Variants in RAB15 observed in about 807,000 individuals in gnomAD.
The protein encoded by RAB15 is RAB15, member RAS oncogene family.
A neutral mutation model predicts 31.8 loss-of-function variants in RAB15; 13 were observed. The observed-to-expected ratio is 0.41, with a 90% confidence interval of 0.27 to 0.65. The LOEUF (loss-of-function observed/expected upper bound fraction) is 0.65. Among genes scored for constraint, RAB15 ranks in the 30% least tolerant of loss-of-function variants. RAB15 has a pLI of 0.32. For missense variants in RAB15, 220 were observed against 277.3 expected, an observed-to-expected ratio of 0.79 and a Z score of 1.47; for synonymous variants, 100 against 105.6, an observed-to-expected ratio of 0.95 and a Z score of 0.33.
In RAB15 at chr14:64,953,818, G is replaced by A. The variant is rs1886399030; in HGVS notation, c.125-1247C>T. ...TGTGTACTCCCTGGAGCAAGGTCAG[G>A]AGTGGGCATGATCAGCCACAGTTTT... On this transcript the variant is annotated intron_variant, in intron 1 of 6. Coordinates refer to ENST00000533601, the MANE Select transcript of RAB15 (RefSeq NM_001308154.2). The surrounding 1 kb of genome is among the most constrained non-coding windows in gnomAD (Gnocchi z 4.6). 1 of 985,270 alleles carries A rather than the reference G, an allele frequency of 1.0e-6. No individual in the cohort carries two copies. The highest frequency in any genetic ancestry group is 1.1e-4 in the East Asian group (1 of 8,830). 61.0% of individuals were successfully genotyped at this position (985,270 alleles called of 1,614,324 possible).
chr14:64,956,120 T>C (rs1423759510), intron 1 of RAB15, among the ~76,000 whole-genome samples: 1 of 152,098 alleles, frequency 6.6e-6, no homozygotes, highest in Non-Finnish European at 1.5e-5. Flanking sequence ...ATGCAAATTC[T>C]GGCCGCACGC....
chr14:64,961,914 T>TAA (rs528884423), intron 1 of RAB15, among the ~76,000 whole-genome samples: 6,013 of 131,494 alleles, frequency 0.046, 154 homozygotes, highest in South Asian at 0.091. Context: ...GACTCTGTCT[T>TAA]AAAAAAAAAA....
chr14:64,955,322 G>C lies in RAB15; in HGVS notation c.125-2751C>G, dbSNP rs771594070. On this transcript the variant is annotated intron_variant, in intron 1 of 6. Coordinates refer to ENST00000533601, the MANE Select transcript of RAB15 (RefSeq NM_001308154.2). The surrounding 1 kb of genome is among the most constrained non-coding windows in gnomAD (Gnocchi z 4.4). ...GAGGAATCTATTGCTTCTGCGCTCTGTTCCCACACAACCTGGGCCTTCAGC... is the reference window on the plus strand; with the variant it reads ...GAGGAATCTATTGCTTCTGCGCTCTCTTCCCACACAACCTGGGCCTTCAGC... 6.6e-6 allele frequency among the ~76,000 whole-genome samples: 1 copy of C among 152,102 alleles called. No homozygotes were observed. The highest frequency in any genetic ancestry group is 1.5e-5 in the Non-Finnish European group (1 of 68,030).
rs762691006 is a variant in RAB15 at position 64,960,235 on chromosome 14, A to T, written c.125-7664T>A. Among the ~76,000 whole-genome samples the T allele has an allele frequency of 9.8e-4, 149 of 152,270 alleles. 1 individual carries two copies. Among genetic ancestry groups the T allele is most frequent in the Non-Finnish European group, 1.8e-3 (120 of 68,006 alleles). On this transcript the variant is annotated intron_variant, in intron 1 of 6. Transcript: ENST00000533601. ...GGATGCAGCAGGCGAGACACCCAGCACTCACGTGACTCCTAAGCTAGCTCG... is the reference window on the plus strand; with the variant it reads ...GGATGCAGCAGGCGAGACACCCAGCTCTCACGTGACTCCTAAGCTAGCTCG...
Position 64,951,252 on chromosome 14 carries a change from C to A in RAB15, c.247-101G>T. ...ACTTAAAGGTTGGGTCCCACTCTCC[C>A]ATTCTCCCTGCTCAGCATCCAGAAA... is the stretch of plus-strand genomic sequence containing the variant. On this transcript the variant is annotated intron_variant, in intron 3 of 6. Transcript: ENST00000533601. This position sits in a 1 kb window ranked among gnomAD's most constrained non-coding sequence, Gnocchi z 7.2. The A allele has an allele frequency of 1.1e-6, 1 of 928,344 alleles. No homozygotes were observed. Among genetic ancestry groups the A allele is most frequent in the Non-Finnish European group, 1.7e-6 (1 of 597,414 alleles). 57.5% of individuals were successfully genotyped at this position (928,344 alleles called of 1,614,324 possible). A position where few individuals can be genotyped will look rare whatever the true frequency, so the allele number is the denominator to read the frequency against.
Position 64,954,420 on chromosome 14 carries a change from T to C in RAB15, c.125-1849A>G. ...CCTTCTTCCAAGAAGAACGAGAAAT[T>C]TTCTCCAATTTGTAATATACCTGGT... On this transcript the variant is annotated intron_variant, in intron 1 of 6. Transcript: ENST00000533601. This position sits in a 1 kb window ranked among gnomAD's most constrained non-coding sequence, Gnocchi z 4.3. The C allele has an allele frequency of 8.1e-6, 8 of 985,412 alleles. No individual in the cohort carries two copies. Among genetic ancestry groups the C allele is most frequent in the Non-Finnish European group, 8.4e-6 (7 of 829,934 alleles). 61.0% of individuals were successfully genotyped at this position (985,412 alleles called of 1,614,324 possible).
intron 1 of RAB15, among the ~76,000 whole-genome samples, chr14:64,961,923 A>AC (rs1485417967): frequency 6.6e-6 from 1 of 151,562 alleles, no homozygotes; most frequent in African/African-American, 2.4e-5. Flanking sequence ...TTAAAAAAAA[A>AC]AAAAAAACAG....
chr14:64,958,495 A>G lies in RAB15; in HGVS notation c.125-5924T>C, dbSNP rs898862010. On this transcript the variant is annotated intron_variant, in intron 1 of 6. Transcript: ENST00000533601. The surrounding 1 kb of genome is among the most constrained non-coding windows in gnomAD (Gnocchi z 4.4). Reference sequence around the variant, plus strand: ...CAGCCTCCCAAACTCTGAGCAATACATTTCTCTTGCTTTAAATTACTCAGC... The same window carrying G: ...CAGCCTCCCAAACTCTGAGCAATACGTTTCTCTTGCTTTAAATTACTCAGC... Among the ~76,000 whole-genome samples, 7 of 151,986 alleles carry G rather than the reference A, an allele frequency of 4.6e-5. No individual in the cohort carries two copies. Among genetic ancestry groups the G allele is most frequent in the African/African-American group, 1.5e-4 (6 of 41,368 alleles).
At chr14:64,965,321 T>G (rs1219236375) in intron 1 of RAB15, among the ~76,000 whole-genome samples, 1 of 151,808 alleles carries the variant, frequency 6.6e-6, no homozygotes, top group East Asian at 1.9e-4. Flanking sequence ...TAGCCAGGTG[T>G]GGTGGTGCAT....
At chr14:64,956,935 AT>A (rs573399507) in intron 1 of RAB15, among the ~76,000 whole-genome samples, 13,797 of 143,354 alleles carry the variant, frequency 0.096, 716 homozygotes, top group Non-Finnish European at 0.13. Context: ...CCTAGCTTCA[AT>A]TTTTTTTTTT....
intron 1 of RAB15, among the ~76,000 whole-genome samples, chr14:64,960,651 C>T (rs1886807297): frequency 6.6e-6 from 1 of 152,096 alleles, no homozygotes; most frequent in African/African-American, 2.4e-5. Flanking sequence ...CAGGGTCTGG[C>T]ACGCAGAACT....
intron 1 of RAB15, among the ~76,000 whole-genome samples, chr14:64,961,544 G>T (rs922513694): frequency 2.6e-5 from 4 of 152,156 alleles, no homozygotes; most frequent in African/African-American, 7.2e-5. Flanking sequence ...CTGCAGCCAG[G>T]GCACTCTGGA....
intron 1 of RAB15, among the ~76,000 whole-genome samples, chr14:64,961,413 G>A (rs1212849331): frequency 3.3e-5 from 5 of 152,216 alleles, no homozygotes; most frequent in African/African-American, 1.2e-4. Context: ...GGTATATGCA[G>A]AGATGAGGGG....
At chr14:64,967,979 C>T (rs1292216029) in intron 1 of RAB15, among the ~76,000 whole-genome samples, 1 of 152,146 alleles carries the variant, frequency 6.6e-6, no homozygotes, top group African/African-American at 2.4e-5. Context: ...CTCATTAGTA[C>T]CCTACTCAAA....
In RAB15 at chr14:64,958,406, TTTGTCACAGAGCA is replaced by T. The variant is rs1886691109; in HGVS notation, c.125-5848_125-5836del. The stretch of plus-strand genomic sequence containing the variant: ...GAGGATGGAGCTAGAAGGTGCCACC[TTTGTCACAGAGCA>T]TCAGCCTTCACCAGACACTGAATCT... On this transcript the variant is annotated intron_variant, in intron 1 of 6. Coordinates refer to ENST00000533601, the MANE Select transcript of RAB15 (RefSeq NM_001308154.2). The surrounding 1 kb of genome is among the most constrained non-coding windows in gnomAD (Gnocchi z 4.4). Among the ~76,000 whole-genome samples, 2 of 152,274 alleles carry T rather than the reference TTTGTCACAGAGCA, an allele frequency of 1.3e-5. No homozygotes were observed. The highest frequency in any genetic ancestry group is 4.8e-5 in the African/African-American group (2 of 41,562).
At position 64,948,424 on chromosome 14, in the gene RAB15, A is replaced by T; in HGVS notation, c.569T>A (p.Leu190Gln). 1.9e-6 allele frequency: 3 copies of T among 1,613,712 alleles called. No homozygotes were observed. Among genetic ancestry groups the T allele is most frequent in the Non-Finnish European group, 2.5e-6 (3 of 1,179,876 alleles). ...LRMRASNELALAELEEEEGKP... is the reference protein window; with the variant it reads ...LRMRASNELAQAELEEEEGKP... ...GCCCTCCTCCTCCTCCAGCTCTGCCAGTGCCAACTCATTGCTGGCACGCAT... is the reference window on the plus strand; with the variant it reads ...GCCCTCCTCCTCCTCCAGCTCTGCCTGTGCCAACTCATTGCTGGCACGCAT... Residue 190 changes from leucine (L) to glutamine (Q), a missense_variant, in exon 7 of 7, where the codon CTG becomes CAG. Physicochemically the swap from Leu to Gln is moderately radical, Grantham distance 113. Transcript: ENST00000533601. This position sits in a 1 kb window ranked among gnomAD's most constrained non-coding sequence, Gnocchi z 7.0.
At position 64,950,364 on chromosome 14, in the gene RAB15, C is replaced by T. The variant is rs770838628; in HGVS notation, c.375G>A (p.Glu125=). Residue 125 remains glutamate, a synonymous_variant, in exon 5 of 7, where the codon GAG becomes GAA. Transcript: ENST00000533601. This position sits in a 1 kb window ranked among gnomAD's most constrained non-coding sequence, Gnocchi z 5.6. ...CTCTTCCCACCTGCCGTTTCTGCTC[C>T]TCATCAGCCTTATTCCCAATAAGGA... ...QKILIGNKAD[E]EQKRQVGREQ... 3.7e-6 allele frequency: 6 copies of T among 1,614,066 alleles called. No individual in the cohort carries two copies. The Admixed American group carries it at 8.3e-5, about 22-fold the overall frequency.
In RAB15 at chr14:64,955,865, C is replaced by T. The variant is rs542098707; in HGVS notation, c.125-3294G>A. On this transcript the variant is annotated intron_variant, in intron 1 of 6. Transcript: ENST00000533601. The surrounding 1 kb of genome is among the most constrained non-coding windows in gnomAD (Gnocchi z 4.4). ...AGATATTCTCCATCTATCTCTGCCT[C>T]CAGTGGTTTCACATTCCGGCTCCTC... is the stretch of plus-strand genomic sequence containing the variant. Among the ~76,000 whole-genome samples, 11 of 152,312 alleles carry T rather than the reference C, an allele frequency of 7.2e-5. No individual in the cohort carries two copies. The highest frequency in any genetic ancestry group is 2.6e-4 in the African/African-American group (11 of 41,568).
rs980466290 is a variant in RAB15 at position 64,958,483 on chromosome 14, T to C, written c.125-5912A>G. On this transcript the variant is annotated intron_variant, in intron 1 of 6. Transcript: ENST00000533601. This position sits in a 1 kb window ranked among gnomAD's most constrained non-coding sequence, Gnocchi z 4.4. Reference sequence around the variant, plus strand: ...TCTTGGACTTCCCAGCCTCCCAAACTCTGAGCAATACATTTCTCTTGCTTT... The same window carrying C: ...TCTTGGACTTCCCAGCCTCCCAAACCCTGAGCAATACATTTCTCTTGCTTT... Among the ~76,000 whole-genome samples the C allele has an allele frequency of 6.6e-6, 1 of 152,142 alleles. No individual in the cohort carries two copies. The highest frequency in any genetic ancestry group is 2.4e-5 in the African/African-American group (1 of 41,448).
Sources: allele counts gnomAD v4.1 joint callset (sites outside exome capture counted in the v4.1 genomes callset), GRCh38; gene constraint gnomAD v4.1.1; non-coding constraint Gnocchi (gnomAD v3.1); transcripts MANE v1.5; gene names NCBI Gene and HGNC (gene_info 2026-07-23, HGNC 2026-07-21).